VPS13B: variants seen among roughly 807,000 people sequenced by gnomAD.
The protein encoded by VPS13B is vacuolar protein sorting 13 homolog B.
In VPS13B, 285 loss-of-function variants were observed where a neutral mutation model predicts 426.4. The observed-to-expected ratio is 0.67, with a 90% CI of 0.61 to 0.74. The LOEUF (loss-of-function observed/expected upper bound fraction) is 0.74, where lower values mean the gene tolerates loss of function less well. VPS13B is among the 30% of genes least tolerant of loss of function. VPS13B has a pLI of 0.00. For synonymous variants in VPS13B, 1,676 were observed against 1,676.4 expected (o/e 1.00, Z 0.01); for missense variants, 4,537 against 4,782.6 (o/e 0.95, Z 1.51).
chr8:99,374,306 A>G (rs905084955), intron 19 of VPS13B, among the ~76,000 whole-genome samples: 1 of 151,744 alleles, frequency 6.6e-6, no homozygotes, highest in African/African-American at 2.4e-5. Context: ...GATATATGTC[A>G]GTTTGGGAAA....
At chr8:99,635,933 T>G (rs541826984) in intron 33 of VPS13B, among the ~76,000 whole-genome samples, 2 of 152,126 alleles carry the variant, frequency 1.3e-5, no homozygotes, top group South Asian at 4.1e-4. Flanking sequence ...CTTACCTATC[T>G]TAATACATTG....
At chr8:99,365,558 C>T (rs1380256853) in intron 19 of VPS13B, among the ~76,000 whole-genome samples, 1 of 134,074 alleles carries the variant, frequency 7.5e-6, no homozygotes, top group Non-Finnish European at 1.5e-5. Context: ...GCTCTGTCGC[C>T]CAGGCTGGAG....
chr8:99,134,804 TGTA>T, intron 9 of VPS13B, 77 bp downstream of exon 9: 1 of 1,283,270 alleles, frequency 7.8e-7, no homozygotes, highest in South Asian at 1.3e-5. Context: ...TTTTATCAGA[TGTA>T]GTGTATTTAA....
intron 17 of VPS13B, among the ~76,000 whole-genome samples, chr8:99,271,101 G>A (rs1240376934): frequency 1.3e-5 from 2 of 151,868 alleles, no homozygotes; most frequent in African/African-American, 2.4e-5. Flanking sequence ...ATCATGCATG[G>A]CACTCAGTAA....
chr8:99,569,074 G>A (rs1490566141), intron 31 of VPS13B, among the ~76,000 whole-genome samples: 3 of 151,426 alleles, frequency 2.0e-5, no homozygotes, highest in Non-Finnish European at 4.4e-5. Flanking sequence ...CGCCTGCCTC[G>A]GCCTCCCAAA....
intron 19 of VPS13B, among the ~76,000 whole-genome samples, chr8:99,364,138 T>A (rs1812710284): frequency 6.6e-6 from 1 of 152,192 alleles, no homozygotes; most frequent in Admixed American, 6.5e-5. Context: ...GTATGTTCCT[T>A]CTGTACTCTG....
chr8:99,618,377 A>G (rs1027172952), intron 33 of VPS13B, among the ~76,000 whole-genome samples: 1 of 152,192 alleles, frequency 6.6e-6, no homozygotes, highest in African/African-American at 2.4e-5. Context: ...TTGAAATGAC[A>G]AAGGTAATCA....
chr8:99,347,069 C>G (rs1195025630), intron 19 of VPS13B: 1 of 153,814 alleles, frequency 6.5e-6, no homozygotes, highest in Non-Finnish European at 1.4e-5. Context: ...CTGCCATATC[C>G]TATGGGATCT....
intron 19 of VPS13B, among the ~76,000 whole-genome samples, chr8:99,310,317 A>G (rs949376314): frequency 5.9e-5 from 9 of 152,066 alleles, no homozygotes; most frequent in African/African-American, 9.7e-5. Flanking sequence ...TTGGCTGTGC[A>G]TTTGTCATAA....
At chr8:99,866,769 G>A (rs1817122845) in intron 58 of VPS13B, among the ~76,000 whole-genome samples, 1 of 152,248 alleles carries the variant, frequency 6.6e-6, no homozygotes, top group Non-Finnish European at 1.5e-5. Flanking sequence ...CAGGGTTCCT[G>A]CCTGTCCCTC....
chr8:99,459,094 T>C (rs1818692841), intron 23 of VPS13B, among the ~76,000 whole-genome samples: 1 of 152,232 alleles, frequency 6.6e-6, no homozygotes, highest in South Asian at 2.1e-4. Context: ...ATATACTTTG[T>C]ATGATGGTCA....
intron 17 of VPS13B, chr8:99,234,552 G>A (rs1465893786): frequency 2.3e-6 from 1 of 444,210 alleles, no homozygotes; most frequent in Non-Finnish European, 4.4e-6. Context: ...GCTGGGGTTC[G>A]GGGGCCGCGT....
intron 54 of VPS13B, among the ~76,000 whole-genome samples, chr8:99,841,864 C>T (rs1815702300): frequency 6.6e-6 from 1 of 152,152 alleles, no homozygotes; most frequent in Non-Finnish European, 1.5e-5. Context: ...CATTGTCAGC[C>T]TCTCCAACCT....
chr8:99,424,967 G>T (rs557074171), intron 21 of VPS13B, among the ~76,000 whole-genome samples: 1 of 152,272 alleles, frequency 6.6e-6, no homozygotes, highest in African/African-American at 2.4e-5. Context: ...AAATCTAGAA[G>T]AAATGGATAT....
intron 43 of VPS13B, among the ~76,000 whole-genome samples, chr8:99,787,287 C>CATGGACACA (rs1229394232): frequency 7.2e-6 from 1 of 138,520 alleles, no homozygotes; most frequent in Non-Finnish European, 1.6e-5. Context: ...TGAAGAGAAA[C>CATGGACACA]ATGGACACAA....
At chr8:99,264,198 A>T in intron 17 of VPS13B, among the ~76,000 whole-genome samples, 1 of 148,666 alleles carries the variant, frequency 6.7e-6, no homozygotes, top group Non-Finnish European at 1.5e-5. Context: ...AATTACTTTT[A>T]ATTTTTGGAG....
intron 29 of VPS13B, among the ~76,000 whole-genome samples, chr8:99,519,399 C>T (rs1461570404): frequency 6.6e-6 from 1 of 152,146 alleles, no homozygotes; most frequent in East Asian, 1.9e-4. Flanking sequence ...TGTGGCAATT[C>T]CTCAGGGATC....
At chr8:99,190,650 C>T (rs191826276) in intron 16 of VPS13B, among the ~76,000 whole-genome samples, 13 of 152,238 alleles carry the variant, frequency 8.5e-5, no homozygotes, top group Admixed American at 2.0e-4. Context: ...CAGCTACCTT[C>T]AAATAATGTT....
intron 19 of VPS13B, among the ~76,000 whole-genome samples, chr8:99,370,043 G>T (rs1588300610): frequency 1.3e-5 from 2 of 152,156 alleles, no homozygotes. Flanking sequence ...ACTTCTGGAT[G>T]AAATGGAGCT....
Sources: allele counts gnomAD v4.1 joint callset (sites outside exome capture counted in the v4.1 genomes callset), GRCh38; gene constraint gnomAD v4.1.1; transcripts MANE v1.5; gene names NCBI Gene and HGNC (gene_info 2026-07-23, HGNC 2026-07-21).